Variants in PDZD2 observed in about 807,000 individuals in gnomAD.
The protein encoded by PDZD2 is PDZ domain containing 2, also known as PDZ domain-containing protein 2.
In PDZD2, 90 loss-of-function variants were observed where a neutral mutation model predicts 220.7. The observed-to-expected ratio is 0.41, with a 90% CI of 0.34 to 0.49. The LOEUF (loss-of-function observed/expected upper bound fraction) is 0.49. Ranked by LOEUF, PDZD2 falls within the 20% of genes least tolerant of loss-of-function variation. The probability of loss-of-function intolerance (pLI) is 0.28; values close to 1 mark genes in which losing one functional copy is unlikely to be tolerated. For missense variants in PDZD2, 3,174 were observed against 3,608.5 expected (o/e 0.88, Z 3.08); for synonymous variants, 1,375 against 1,450.5 (o/e 0.95, Z 1.18).
At chr5:32,066,561 C>T (rs1316310584) in intron 14 of PDZD2, among the ~76,000 whole-genome samples, 8 of 152,196 alleles carry the variant, frequency 5.3e-5, no homozygotes, top group Admixed American at 1.3e-4. Context: ...CAGAATCTCC[C>T]GTTGGAGTCT....
chr5:32,099,014 C>T (rs890676348), intron 23 of PDZD2, among the ~76,000 whole-genome samples: 1 of 152,068 alleles, frequency 6.6e-6, no homozygotes, highest in African/African-American at 2.4e-5. Flanking sequence ...TAAGATTTAT[C>T]CTTGGGAAAC....
rs191485662 is a variant in PDZD2 at position 31,884,662 on chromosome 5, C to T, written c.476+84938C>T. ...GGAGTGCAATGGCGCGATCTCGGCT[C>T]ACTGCAACCTCCATCTCCCAGGTTT... On this transcript the variant is annotated intron_variant, in intron 2 of 24. Coordinates refer to ENST00000438447, the MANE Select transcript of PDZD2 (RefSeq NM_178140.4). Among the ~76,000 whole-genome samples, 270 of 152,184 alleles carry T rather than the reference C, an allele frequency of 1.8e-3. 1 individual carries two copies. Among genetic ancestry groups the T allele is most frequent in the Middle Eastern group, 0.01 (3 of 294 alleles).
At chr5:31,640,652 G>T (rs1744914310) in intron 1 of PDZD2, among the ~76,000 whole-genome samples, 1 of 152,106 alleles carries the variant, frequency 6.6e-6, no homozygotes, top group African/African-American at 2.4e-5. Context: ...AGCTTTTGTG[G>T]GTTGTGACTT....
chr5:32,048,388 A>G (rs2112285847), intron 7 of PDZD2, 151 bp from the exon 8 acceptor site: 1 of 628,116 alleles, frequency 1.6e-6, no homozygotes, highest in African/African-American at 1.8e-5. Context: ...TGCTATTAGG[A>G]TGGGCTAGGC....
At chr5:31,979,731 G>T (rs1750127772) in intron 2 of PDZD2, among the ~76,000 whole-genome samples, 1 of 152,174 alleles carries the variant, frequency 6.6e-6, no homozygotes, top group African/African-American at 2.4e-5. Flanking sequence ...CAAATGAGAT[G>T]ATCCATTTTA....
At chr5:31,963,998 G>A (rs540906149) in intron 2 of PDZD2, among the ~76,000 whole-genome samples, 2 of 152,282 alleles carry the variant, frequency 1.3e-5, no homozygotes, top group Admixed American at 1.3e-4. Flanking sequence ...TCCAGCCCTC[G>A]AGTTTTAGAG....
intron 2 of PDZD2, among the ~76,000 whole-genome samples, chr5:31,872,142 GGTGTGT>G (rs55806241): frequency 0.089 from 13,118 of 147,728 alleles, 1,314 homozygotes; most frequent in African/African-American, 0.25. Flanking sequence ...TAAGGTGAGT[GGTGTGT>G]GTGTGTGTGT....
chr5:32,089,590 G>C lies in PDZD2; in HGVS notation c.6142G>C (p.Ala2048Pro). ...AGCGTCTAGGAACGGCATGTCCGTG[G>C]CAGGGAACAGACAGAGTGAGCCGCG... ...PAASRNGMSV[A>P]GNRQSEPRLA... is the part of the protein sequence containing the mutation. The change falls in exon 20 of 25, where the codon GCA becomes CCA. Residue 2048 changes from alanine to proline, a missense_variant. Transcript: ENST00000438447. 1 of 1,612,516 alleles carries C rather than the reference G, an allele frequency of 6.2e-7. No homozygotes were observed. Among genetic ancestry groups the C allele is most frequent in the Non-Finnish European group, 8.5e-7 (1 of 1,179,994 alleles).
At chr5:31,816,274 C>G (rs1022906706) in intron 2 of PDZD2, among the ~76,000 whole-genome samples, 2 of 99,896 alleles carry the variant, frequency 2.0e-5, no homozygotes, top group Non-Finnish European at 4.2e-5. Flanking sequence ...GGCGACAGAG[C>G]GAGACTCCAT....
chr5:32,010,741 A>T (rs771807695), intron 6 of PDZD2: 4 of 474,052 alleles, frequency 8.4e-6, no homozygotes, highest in Non-Finnish European at 1.6e-5. Flanking sequence ...TACACCTGTA[A>T]TGCCAGCACT....
chr5:32,032,944 A>T (rs1478033011), intron 6 of PDZD2, among the ~76,000 whole-genome samples: 1 of 152,204 alleles, frequency 6.6e-6, no homozygotes, highest in East Asian at 1.9e-4. Flanking sequence ...TGTATGTTAC[A>T]GGTGTGGAAA....
In PDZD2 at chr5:32,075,317, A is replaced by G. The variant is rs181401905; in HGVS notation, c.3537+674A>G. ...CGAGTTACAACTTGGGCAAGTTATT[A>G]AACATTTCTGAGCTTAGTTCTCTGG... On this transcript the variant is annotated intron_variant, in intron 18 of 24. Coordinates refer to ENST00000438447, the MANE Select transcript of PDZD2 (RefSeq NM_178140.4). 1.9e-4 allele frequency among the ~76,000 whole-genome samples: 29 copies of G among 152,308 alleles called. No individual in the cohort carries two copies. The East Asian group carries it at 3.7e-3, about 19-fold the overall frequency.
chr5:31,855,941 A>G (rs943336125), intron 2 of PDZD2, among the ~76,000 whole-genome samples: 2 of 152,154 alleles, frequency 1.3e-5, no homozygotes, highest in African/African-American at 2.4e-5. Flanking sequence ...GGCGGTAACT[A>G]CAGCTGTCAT....
chr5:31,722,327 G>A (rs1040456280), intron 1 of PDZD2, among the ~76,000 whole-genome samples: 2 of 152,198 alleles, frequency 1.3e-5, no homozygotes, highest in East Asian at 1.9e-4. Context: ...CCTCAAGCAC[G>A]CCCTTGGGTT....
intron 2 of PDZD2, among the ~76,000 whole-genome samples, chr5:31,903,644 CAAAAAA>C (rs59822169): frequency 1.0e-5 from 1 of 99,730 alleles, no homozygotes; most frequent in Non-Finnish European, 2.0e-5. Flanking sequence ...GACCCTGTCT[CAAAAAA>C]AAAAAAAAAA....
intron 5 of PDZD2, among the ~76,000 whole-genome samples, chr5:32,002,637 AACACACACACCCCACATACT>A (rs1223380070): frequency 1.6e-5 from 2 of 125,798 alleles, no homozygotes; most frequent in Non-Finnish European, 1.6e-5. Context: ...ACACACCACC[AACACACACACCCCACATACT>A]ACACACACAC....
At chr5:32,037,659 C>T (rs953359980) in intron 7 of PDZD2, among the ~76,000 whole-genome samples, 2 of 152,110 alleles carry the variant, frequency 1.3e-5, no homozygotes, top group African/African-American at 4.8e-5. Flanking sequence ...GAGTTAATAT[C>T]AAATCTGCAT....
chr5:31,840,396 TTATATATATATA>T (rs748170414), intron 2 of PDZD2: 378 of 19,296 alleles, frequency 0.02, 7 homozygotes, highest in Non-Finnish European at 0.024. Flanking sequence ...GTCATTTTCA[TTATATATATATA>T]TATATATATA....
chr5:31,963,812 A>C (rs1748468706), intron 2 of PDZD2, among the ~76,000 whole-genome samples: 1 of 151,838 alleles, frequency 6.6e-6, no homozygotes, highest in Non-Finnish European at 1.5e-5. Context: ...AGTTAGCCCC[A>C]CTCTGTGCTT....
Sources: allele counts gnomAD v4.1 joint callset (sites outside exome capture counted in the v4.1 genomes callset), GRCh38; gene constraint gnomAD v4.1.1; transcripts MANE v1.5; gene names NCBI Gene and HGNC (gene_info 2026-07-23, HGNC 2026-07-21).